The following FOCAD variants were observed in gnomAD, a reference collection of about 807,000 sequenced individuals.
The protein encoded by FOCAD is focadhesin, also known as KIAA1797.
Under a neutral mutation model 225.6 loss-of-function variants are expected in FOCAD, and 198 were observed. That is an observed-to-expected ratio of 0.88 (90% CI 0.78 to 0.99). The LOEUF (loss-of-function observed/expected upper bound fraction) is 0.99. Ranked by LOEUF, FOCAD falls within the 50% of genes least tolerant of loss-of-function variation. FOCAD has a pLI of 0.00. For missense variants in FOCAD, 2,713 were observed against 2,123.6 expected (o/e 1.28, Z -5.46); for synonymous variants, 897 against 755.0 (o/e 1.19, Z -3.08).
At chr9:20,887,239 C>CTTTTTTTTTTT (rs1287038768) in intron 21 of FOCAD, among the ~76,000 whole-genome samples, 1 of 149,862 alleles carries the variant, frequency 6.7e-6, no homozygotes. Context: ...CTTTTTCTTT[C>CTTTTTTTTTTT]TCTTTTTTTT....
intron 11 of FOCAD, among the ~76,000 whole-genome samples, chr9:20,795,500 T>A (rs1820962676): frequency 6.6e-6 from 1 of 152,090 alleles, no homozygotes; most frequent in Non-Finnish European, 1.5e-5. Flanking sequence ...CACAGCATGT[T>A]TTGGGCCGGG....
chr9:20,681,693 C>T (rs931360286), upstream of FOCAD, among the ~76,000 whole-genome samples: 1 of 152,170 alleles, frequency 6.6e-6, no homozygotes, highest in African/African-American at 2.4e-5. Context: ...ATCTTGGTAT[C>T]TCCTGTGCCT....
chr9:20,919,832 C>A (rs1008992193), intron 24 of FOCAD, among the ~76,000 whole-genome samples: 5 of 151,938 alleles, frequency 3.3e-5, no homozygotes, highest in African/African-American at 4.8e-5. Context: ...TAAAGACTTA[C>A]ATGTTAGACC....
chr9:20,993,588 A>C (rs890437112), intron 43 of FOCAD, among the ~76,000 whole-genome samples: 65 of 152,184 alleles, frequency 4.3e-4, no homozygotes, highest in Non-Finnish European at 1.5e-4. Context: ...CCGGAAGGTA[A>C]TTTTATATAA....
At chr9:20,878,328 C>T (rs903270487) in intron 19 of FOCAD, among the ~76,000 whole-genome samples, 4 of 152,148 alleles carry the variant, frequency 2.6e-5, no homozygotes, top group African/African-American at 9.7e-5. Flanking sequence ...TTTCTGTGAT[C>T]TTCAAAATGT....
intron 35 of FOCAD, among the ~76,000 whole-genome samples, chr9:20,974,547 T>C (rs1485866281): frequency 1.4e-5 from 2 of 138,444 alleles, no homozygotes; most frequent in African/African-American, 5.6e-5. Flanking sequence ...TGTAGCTGTT[T>C]TTTTCCTGCT....
intron 2 of FOCAD, among the ~76,000 whole-genome samples, chr9:20,672,114 A>G (rs1822081780): frequency 6.6e-6 from 1 of 152,184 alleles, no homozygotes; most frequent in African/African-American, 2.4e-5. Context: ...GAAGGCAACA[A>G]ATAAGGAAAA....
chr9:20,948,815 A>T, intron 31 of FOCAD, 36 bp from the exon 32 acceptor site: 18 of 1,570,150 alleles, frequency 1.1e-5, no homozygotes, highest in Non-Finnish European at 1.4e-5. Flanking sequence ...CCAAGGACTG[A>T]TTCCCTCTTT....
chr9:20,892,716 C>T (rs1483323042), intron 21 of FOCAD, among the ~76,000 whole-genome samples: 1 of 152,050 alleles, frequency 6.6e-6, no homozygotes, highest in Non-Finnish European at 1.5e-5. Flanking sequence ...ATTACATAAA[C>T]GTACCTGATA....
intron 25 of FOCAD, among the ~76,000 whole-genome samples, chr9:20,924,158 A>T (rs976727795): frequency 6.6e-6 from 1 of 151,320 alleles, no homozygotes; most frequent in East Asian, 2.0e-4. Flanking sequence ...TATGTCAATG[A>T]CAAAGTGCCT....
At chr9:20,662,742 A>T (rs1249998632) in intron 2 of FOCAD, among the ~76,000 whole-genome samples, 1 of 152,102 alleles carries the variant, frequency 6.6e-6, no homozygotes. Flanking sequence ...GAGCCACGGC[A>T]CCCAGCCAGA....
intron 17 of FOCAD, among the ~76,000 whole-genome samples, chr9:20,866,526 A>C (rs1193656343): frequency 6.6e-6 from 1 of 152,000 alleles, no homozygotes; most frequent in East Asian, 1.9e-4. Context: ...AGACTTGAGC[A>C]ATTATGAGTT....
At chr9:20,793,372 C>T (rs951223987) in intron 11 of FOCAD, among the ~76,000 whole-genome samples, 5 of 152,136 alleles carry the variant, frequency 3.3e-5, no homozygotes, top group African/African-American at 1.2e-4. Flanking sequence ...GGCATTTGAT[C>T]CCTTTTGTGT....
chr9:20,702,810 G>A (rs1045360877), intron 1 of FOCAD, among the ~76,000 whole-genome samples: 20 of 151,982 alleles, frequency 1.3e-4, no homozygotes, highest in African/African-American at 3.9e-4. Flanking sequence ...CGTGGAATTA[G>A]TTAAAGTGTC....
intron 15 of FOCAD, among the ~76,000 whole-genome samples, chr9:20,860,292 G>A (rs1353069584): frequency 1.3e-5 from 2 of 152,050 alleles, no homozygotes; most frequent in Admixed American, 6.6e-5. Flanking sequence ...TCACGTTTCT[G>A]TATTAGCCCA....
rs946256364 is a variant in FOCAD, at chr9:20,932,887, T to A, written c.3318-127T>A. The A allele has an allele frequency of 9.0e-6, 6 of 663,590 alleles. No individual in the cohort carries two copies. The Admixed American group carries it at 1.4e-4, about 15-fold the overall frequency. The allele number at this position is 663,590 out of a possible 1,614,324, so 41.1% of individuals were successfully genotyped here. A position where few individuals can be genotyped will look rare whatever the true frequency, so the allele number is the denominator to read the frequency against. On this transcript the variant is annotated intron_variant, in intron 27 of 43. Coordinates refer to ENST00000338382, the MANE Select transcript of FOCAD (RefSeq NM_001375567.1). ...AAGAATAGGCAACTCATCAATATTGTCACTTTTTTTTTTAAGAGAAATGCT... is the reference window on the plus strand; with the variant it reads ...AAGAATAGGCAACTCATCAATATTGACACTTTTTTTTTTAAGAGAAATGCT...
At chr9:20,771,298 A>T (rs1422314742) in intron 8 of FOCAD, among the ~76,000 whole-genome samples, 1 of 152,192 alleles carries the variant, frequency 6.6e-6, no homozygotes, top group Non-Finnish European at 1.5e-5. Context: ...CCTCTAGGCA[A>T]TGACATGCTG....
chr9:20,754,517 A>G (rs1443289451), intron 5 of FOCAD, among the ~76,000 whole-genome samples: 1 of 151,294 alleles, frequency 6.6e-6, no homozygotes, highest in Non-Finnish European at 1.5e-5. Flanking sequence ...CTTTTCATTC[A>G]GTGTTAGGAA....
Position 20,981,482 on chromosome 9 carries a change from T to G in FOCAD, c.4434T>G (p.Ser1478=), listed in dbSNP as rs1235878115. Residue 1478 remains serine, a synonymous_variant, in exon 38 of 44, where the codon TCT becomes TCG. Transcript: ENST00000338382. The part of the protein sequence containing the change: ...ISAPLWIKHI[S]DEQILGFVEN... ...CACCTCTGTGGATAAAACACATCTC[T>G]GATGAACAGATCCTGGGTTTTGTTG... 4 of 1,614,032 alleles carry G rather than the reference T, an allele frequency of 2.5e-6. No individual in the cohort carries two copies. The African/African-American group carries it at 5.3e-5, about 22-fold the overall frequency.
Sources: gnomAD v4.1 joint callset for allele counts (sites outside exome capture counted in the v4.1 genomes callset) on GRCh38, gnomAD v4.1.1 for gene constraint, MANE v1.5 for transcripts, NCBI Gene and HGNC (gene_info 2026-07-23, HGNC 2026-07-21) for gene names.